The following FHOD1 variants were observed in gnomAD, a reference collection of about 807,000 sequenced individuals.
FHOD1 encodes formin homology 2 domain containing 1.
Under a neutral mutation model 111.6 loss-of-function variants are expected in FHOD1, and 89 were observed. That is an observed-to-expected ratio of 0.80 (90% CI 0.67 to 0.95). The LOEUF (loss-of-function observed/expected upper bound fraction) is 0.95, where lower values mean the gene tolerates loss of function less well. FHOD1 is among the 40% of genes least tolerant of loss of function. The pLI is 0.00. For missense variants in FHOD1, 1,446 were observed against 1,554.2 expected (o/e 0.93, Z 1.17); for synonymous variants, 618 against 639.0 (o/e 0.97, Z 0.50).
Position 67,229,671 on chromosome 16 carries a change from G to T in FHOD1, c.3460C>A (p.Leu1154Met), listed in dbSNP as rs144815381. 2.7e-5 allele frequency: 43 copies of T among 1,614,092 alleles called. No homozygotes were observed. The highest frequency in any genetic ancestry group is 3.6e-5 in the Non-Finnish European group (42 of 1,180,034). ...SGLGDDLVQA[L>M]GLSKGPGLEV Reference sequence around the variant, plus strand: ...AGGCCAGGACCCTTGCTTAGTCCCAGTGCCTGCACCAGGTCATCTCCGAGC... The same window carrying T: ...AGGCCAGGACCCTTGCTTAGTCCCATTGCCTGCACCAGGTCATCTCCGAGC... Residue 1154 changes from leucine (L) to methionine (M), a missense_variant, in exon 22 of 22, where the codon CTG becomes ATG. Leu to Met is a conservative substitution (Grantham distance 15). This residue lies in a region of FHOD1 where 1,085 missense variants were observed against 1,108.8 expected (regional missense o/e 0.98). Coordinates refer to ENST00000258201, the MANE Select transcript of FHOD1 (RefSeq NM_013241.3).
In FHOD1 at chr16:67,233,839, T is replaced by C; in HGVS notation, c.1864A>G (p.Thr622Ala). 1.3e-6 allele frequency: 2 copies of C among 1,556,674 alleles called. No homozygotes were observed. Among genetic ancestry groups the C allele is most frequent in the South Asian group, 2.2e-5 (2 of 89,862 alleles). The change falls in exon 13 of 22, where the codon ACT becomes GCT. Residue 622 changes from threonine (T) to alanine (A), a missense_variant. Around this residue, in one of 3 missense-constraint regions of FHOD1, gnomAD observed 1,085 missense variants for 1,108.8 expected, o/e 0.98. Transcript: ENST00000258201. ...AAAAGTTTTACTGTCTTCCTCTTAG[T>C]GGGGAGGGCTGAGCTGTCAGGCACT... ...HSVPDSSALP[T>A]KRKTVKLFWR...
In FHOD1 at chr16:67,233,779, C is replaced by T; in HGVS notation, c.1924G>A (p.Val642Ile). ...CAGGGCCCAAAGCGGCTTGCAGAGA[C>T]TCCATGGCCCCCAGCCAGCTTCAGC... The part of the protein sequence containing the change: ...RELKLAGGHG[V>I]SASRFGPCAT... Residue 642 changes from valine to isoleucine, a missense_variant, in exon 13 of 22, where the codon GTC (valine) becomes ATC (isoleucine). Around this residue, in one of 3 missense-constraint regions of FHOD1, gnomAD observed 1,085 missense variants for 1,108.8 expected, o/e 0.98. Transcript: ENST00000258201. 1.2e-6 allele frequency: 2 copies of T among 1,613,916 alleles called. No homozygotes were observed. The highest frequency in any genetic ancestry group is 1.7e-6 in the Non-Finnish European group (2 of 1,180,020).
Position 67,231,795 on chromosome 16 carries a change from C to T in FHOD1, c.2227G>A (p.Glu743Lys). Residue 743 changes from glutamate (E) to lysine (K), a missense_variant, in exon 15 of 22, where the codon GAG (glutamate) becomes AAG (lysine). Transcript: ENST00000258201. The surrounding 1 kb of genome is among the most constrained non-coding windows in gnomAD (Gnocchi z 4.3). ...TCCTCAATCTTCTGCCGCTCTTCCT[C>T]CGTGGGCATCATGGTCAGTAGCTTC... ...IEKLLTMMPT[E>K]EERQKIEEAQ... is the part of the protein sequence containing the mutation. The T allele has an allele frequency of 6.2e-7, 1 of 1,614,176 alleles. No homozygotes were observed. The highest frequency in any genetic ancestry group is 8.5e-7 in the Non-Finnish European group (1 of 1,180,006).
rs774086008 is a variant in FHOD1 at position 67,237,743 on chromosome 16, A to G, written c.668T>C (p.Leu223Pro). ...SLSRLVVKTA[L>P]KLLLVFVEYS... The stretch of plus-strand genomic sequence containing the variant: ...TTCTACAAACACCAACAGCAGCTTC[A>G]GGGCTGTCTTCACCACCAAGCGGGA... The change falls in exon 7 of 22, where the codon CTG (leucine) becomes CCG (proline). Residue 223 changes from leucine (L) to proline (P), a missense_variant. Leu to Pro is a moderately conservative substitution (Grantham distance 98). Around this residue, in one of 3 missense-constraint regions of FHOD1, gnomAD observed 234 missense variants for 327.4 expected, o/e 0.71. Coordinates refer to ENST00000258201, the MANE Select transcript of FHOD1 (RefSeq NM_013241.3). This position sits in a 1 kb window ranked among gnomAD's most constrained non-coding sequence, Gnocchi z 5.6. The G allele has an allele frequency of 6.2e-7, 1 of 1,614,176 alleles. No individual in the cohort carries two copies. Among genetic ancestry groups the G allele is most frequent in the Non-Finnish European group, 8.5e-7 (1 of 1,180,012 alleles).
At position 67,229,942 on chromosome 16, in the gene FHOD1, G is replaced by T; in HGVS notation, c.3263C>A (p.Thr1088Asn). ...SPIMPTVGPS[T>N]ASPEEPPGSS... Reference sequence around the variant, plus strand: ...GCCTGGGGGTTCTTCTGGGGATGCAGTGGAGGGCCCCACTGTGGGCATGAT... The same window carrying T: ...GCCTGGGGGTTCTTCTGGGGATGCATTGGAGGGCCCCACTGTGGGCATGAT... Residue 1088 changes from threonine (T) to asparagine (N), a missense_variant, in exon 21 of 22, where the codon ACT becomes AAT. This residue lies in a region of FHOD1 where 1,085 missense variants were observed against 1,108.8 expected (regional missense o/e 0.98). Coordinates refer to ENST00000258201, the MANE Select transcript of FHOD1 (RefSeq NM_013241.3). The T allele has an allele frequency of 6.2e-7, 1 of 1,614,240 alleles. No homozygotes were observed. The highest frequency in any genetic ancestry group is 1.1e-5 in the South Asian group (1 of 91,090).
chr16:67,244,675 G>A (rs982987731), intron 1 of FHOD1, among the ~76,000 whole-genome samples: 1 of 152,146 alleles, frequency 6.6e-6, no homozygotes, highest in African/African-American at 2.4e-5. Context: ...TCCCCAGGGA[G>A]GGGGGTCATC....
In FHOD1 at chr16:67,238,032, AC is replaced by A; in HGVS notation, c.642+1del. ...TATAAGGCTGAGTGGAGAGCCACTTACCAGGCTGGCACACAATGTGTACAGC... is the reference window on the plus strand; with the variant it reads ...TATAAGGCTGAGTGGAGAGCCACTTACAGGCTGGCACACAATGTGTACAGC... On this transcript the variant is annotated splice_donor_variant, in intron 6 of 21. Transcript: ENST00000258201. LOFTEE classifies it high-confidence loss of function. The surrounding 1 kb of genome is among the most constrained non-coding windows in gnomAD (Gnocchi z 4.2). The A allele has an allele frequency of 1.2e-6, 2 of 1,613,812 alleles. No individual in the cohort carries two copies. Among genetic ancestry groups the A allele is most frequent in the Non-Finnish European group, 1.7e-6 (2 of 1,179,800 alleles).
At chr16:67,232,352 C>T (rs1413467122) in intron 13 of FHOD1, among the ~76,000 whole-genome samples, 158 bp from the exon 14 acceptor site, 1 of 151,974 alleles carries the variant, frequency 6.6e-6, no homozygotes, top group Non-Finnish European at 1.5e-5. Context: ...CCCATCTCTA[C>T]TAAAAATACA....
At position 67,237,397 on chromosome 16, in the gene FHOD1, TAAG is replaced by T. The variant is rs770251037; in HGVS notation, c.850-18_850-16del. 2.2e-5 allele frequency: 36 copies of T among 1,613,710 alleles called. No homozygotes were observed. Among genetic ancestry groups the T allele is most frequent in the Non-Finnish European group, 3.0e-5 (35 of 1,179,634 alleles). ...GCCGCCAGCGTCTGGAGGGCGGGGA[TAAG>T]AAGGCAAGGCTGAGGTTGGTGGGGA... On this transcript the variant is annotated splice_polypyrimidine_tract_variant and intron_variant, in intron 8 of 21. Transcript: ENST00000258201. The surrounding 1 kb of genome is among the most constrained non-coding windows in gnomAD (Gnocchi z 5.6).
chr16:67,234,533 T>A, intron 11 of FHOD1, 61 bp from the exon 12 acceptor site: 1 of 1,432,742 alleles, frequency 7.0e-7, no homozygotes. Context: ...TGTACATGCC[T>A]TGCTGAGCCC....
Position 67,236,610 on chromosome 16 carries a change from A to G in FHOD1, c.1266T>C (p.Pro422=), listed in dbSNP as rs1382974769. The G allele has an allele frequency of 1.2e-6, 2 of 1,613,716 alleles. No individual in the cohort carries two copies. Among genetic ancestry groups the G allele is most frequent in the Admixed American group, 1.7e-5 (1 of 59,984 alleles). ...CAGCTGAGGGTGCCACAGAGATGGT[A>G]GGAAAAAGGTTCACTGAAGCTTGGA... ...SGLQASVNLF[P]TISVAPSADT... Residue 422 remains proline, a synonymous_variant, in exon 11 of 22, where the codon CCT becomes CCC. Transcript: ENST00000258201.
At position 67,247,426 on chromosome 16, in the gene FHOD1, T is replaced by C. The variant is rs2034909069; in HGVS notation, c.-16A>G. The C allele has an allele frequency of 6.2e-7, 1 of 1,610,824 alleles. No individual in the cohort carries two copies. The highest frequency in any genetic ancestry group is 1.3e-5 in the African/African-American group (1 of 74,776). ...CGCCCGCCATGGCTCTGCGGCCGGC[T>C]CACGCAGCGCGCCTCCGAGTCCCGG... On this transcript the variant is annotated 5_prime_UTR_variant, in exon 1 of 22. Transcript: ENST00000258201.
intron 11 of FHOD1, chr16:67,235,938 C>T (rs935511555): frequency 2.1e-5 from 14 of 674,140 alleles, no homozygotes; most frequent in Non-Finnish European, 2.4e-5. Context: ...GCATCAGGCA[C>T]GTGAAACCCC....
Position 67,237,546 on chromosome 16 carries a change from C to A in FHOD1, c.778G>T (p.Val260Leu). 1.9e-6 allele frequency: 3 copies of A among 1,614,098 alleles called. No individual in the cohort carries two copies. The highest frequency in any genetic ancestry group is 2.5e-6 in the Non-Finnish European group (3 of 1,180,008). Residue 260 changes from valine to leucine, a missense_variant, in exon 8 of 22, where the codon GTG (valine) becomes TTG (leucine). Physicochemically the swap from Val to Leu is conservative, Grantham distance 32. Transcript: ENST00000258201. This position sits in a 1 kb window ranked among gnomAD's most constrained non-coding sequence, Gnocchi z 5.6. ...CCATTCTTCTCCTCCAGGATGGACACCAGATTGGCCCAGGGAGGAGCACCT... is the reference window on the plus strand; with the variant it reads ...CCATTCTTCTCCTCCAGGATGGACAACAGATTGGCCCAGGGAGGAGCACCT... ...TTGAPPWANLVSILEEKNGAD... is the reference protein window; with the variant it reads ...TTGAPPWANLLSILEEKNGAD...
chr16:67,230,004 G>A lies in FHOD1; in HGVS notation c.3215-14C>T, dbSNP rs764198081. The A allele has an allele frequency of 1.1e-5, 17 of 1,613,320 alleles. No individual in the cohort carries two copies. In the Admixed American group the frequency reaches 2.3e-4, roughly 22 times the overall value. ...TCTGGACCATGCCTGAGGAAGGCCA[G>A]ATAGCAAAGTCAGGCCAAGGTGGCA... On this transcript the variant is annotated splice_polypyrimidine_tract_variant and intron_variant, in intron 20 of 21. Transcript: ENST00000258201.
chr16:67,238,563 G>A lies in FHOD1; in HGVS notation c.374-116C>T. The A allele has an allele frequency of 9.6e-7, 1 of 1,044,628 alleles. No homozygotes were observed. The highest frequency in any genetic ancestry group is 1.4e-6 in the Non-Finnish European group (1 of 690,702). 64.7% of individuals were successfully genotyped at this position (1,044,628 alleles called of 1,614,324 possible). On this transcript the variant is annotated intron_variant, in intron 3 of 21. Coordinates refer to ENST00000258201, the MANE Select transcript of FHOD1 (RefSeq NM_013241.3). The surrounding 1 kb of genome is among the most constrained non-coding windows in gnomAD (Gnocchi z 4.2). ...GTCTAATATATATGTTTTGGTCTGA[G>A]AGACAGGGTCTCACTCTGTCACTCA... is the stretch of plus-strand genomic sequence containing the variant.
chr16:67,230,336 G>C lies in FHOD1; in HGVS notation c.3029C>G (p.Thr1010Ser). The part of the protein sequence containing the change: ...KQATYRERNK[T>S]RGRMITETEK... ...CACCTCGGTGATCATGCGTCCCCGG[G>C]TCTTGTTGCGCTCACGGTATGTGGC... Residue 1010 changes from threonine (T) to serine (S), a missense_variant, in exon 19 of 22, where the codon ACC becomes AGC. By Grantham distance (58) the Thr-to-Ser change is moderately conservative (BLOSUM62 1). Transcript: ENST00000258201. The C allele has an allele frequency of 2.5e-6, 4 of 1,614,224 alleles. No homozygotes were observed. Among genetic ancestry groups the C allele is most frequent in the Non-Finnish European group, 3.4e-6 (4 of 1,180,036 alleles).
At chr16:67,236,759 C>CG in intron 10 of FHOD1, 26 bp from the exon 11 acceptor site, 3 of 901,762 alleles carry the variant, frequency 3.3e-6, no homozygotes, top group East Asian at 1.6e-4. Flanking sequence ...GTCAGTGGGG[C>CG]GGGGCCTGAG....
In FHOD1 at chr16:67,231,472, C is replaced by T; in HGVS notation, c.2463G>A (p.Leu821=). ...LVQNATFRCI[L]ATLLAVGNFL... is the part of the protein sequence containing the mutation. The stretch of plus-strand genomic sequence containing the variant: ...AGTTGCCCACCGCTAGGAGGGTAGC[C>T]AGGATGCAGCGGAAGGTGGCATTCT... The change falls in exon 16 of 22, where the codon CTG becomes CTA. Residue 821 remains leucine, a synonymous_variant. Transcript: ENST00000258201. This position sits in a 1 kb window ranked among gnomAD's most constrained non-coding sequence, Gnocchi z 4.3. The T allele has an allele frequency of 6.2e-7, 1 of 1,614,150 alleles. No individual in the cohort carries two copies.
Sources: allele counts gnomAD v4.1 joint callset (sites outside exome capture counted in the v4.1 genomes callset), GRCh38; gene constraint gnomAD v4.1.1; regional missense constraint gnomAD v4.1.1; non-coding constraint Gnocchi (gnomAD v3.1); transcripts MANE v1.5; gene names NCBI Gene and HGNC (gene_info 2026-07-23, HGNC 2026-07-21).